The following ATP2B2 variants were observed in gnomAD, a reference collection of about 807,000 sequenced individuals.
ATP2B2 encodes the protein plasma membrane calcium-transporting ATPase 2.
Under a neutral mutation model 120.0 loss-of-function variants are expected in ATP2B2, and 15 were observed. The observed-to-expected ratio is 0.12, with a 90% CI of 0.08 to 0.19. The LOEUF (loss-of-function observed/expected upper bound fraction) is 0.19, where lower values mean the gene tolerates loss of function less well. ATP2B2 is among the 10% of genes least tolerant of loss of function. The probability of loss-of-function intolerance (pLI) is 1.00; values close to 1 mark genes in which losing one functional copy is unlikely to be tolerated. For synonymous variants in ATP2B2, 694 were observed against 700.3 expected, an observed-to-expected ratio of 0.99 and a Z score of 0.14; for missense variants, 1,045 against 1,719.8, an observed-to-expected ratio of 0.61 and a Z score of 6.94.
intron 3 of ATP2B2, among the ~76,000 whole-genome samples, chr3:10,403,601 G>A (rs1193529681): frequency 4.6e-5 from 7 of 152,202 alleles, no homozygotes; most frequent in Non-Finnish European, 8.8e-5. Context: ...ATTTCCTCTG[G>A]GACCTGGGGA....
At chr3:10,580,705 C>T (rs1489336726) in intron 2 of ATP2B2, among the ~76,000 whole-genome samples, 6 of 152,164 alleles carry the variant, frequency 3.9e-5, no homozygotes, top group Non-Finnish European at 7.3e-5. Context: ...GGGAGTGGGG[C>T]GAGAACTCTC....
intron 5 of ATP2B2, 116 bp from the exon 6 acceptor site, chr3:10,388,518 G>T: frequency 1.2e-5 from 18 of 1,447,948 alleles, no homozygotes; most frequent in Non-Finnish European, 1.6e-5. Context: ...AGGTCATGGG[G>T]CATCACCTAT....
intron 12 of ATP2B2, 63 bp from the exon 13 acceptor site, chr3:10,360,186 G>A: frequency 2.6e-6 from 4 of 1,523,346 alleles, no homozygotes; most frequent in Non-Finnish European, 3.5e-6. Flanking sequence ...CTCTGCCCTG[G>A]CTGCCACTGA....
intron 22 of ATP2B2, chr3:10,336,399 A>G: frequency 8.5e-7 from 1 of 1,183,000 alleles, no homozygotes; most frequent in South Asian, 1.5e-5. Context: ...CAGCCACGGC[A>G]ACAACGACAA....
At chr3:10,624,721 C>T (rs1007430039) in intron 1 of ATP2B2, among the ~76,000 whole-genome samples, 4 of 152,070 alleles carry the variant, frequency 2.6e-5, no homozygotes, top group Admixed American at 2.0e-4. Context: ...AGTACGAATG[C>T]ATGAATGAAT....
At chr3:10,462,575 AGGT>A (rs1362314260) in intron 1 of ATP2B2, among the ~76,000 whole-genome samples, 1 of 152,116 alleles carries the variant, frequency 6.6e-6, no homozygotes, top group Non-Finnish European at 1.5e-5. Context: ...CAACCCCATG[AGGT>A]AGGTATTATT....
chr3:10,439,942 CA>C (rs112861741), intron 2 of ATP2B2, among the ~76,000 whole-genome samples: 60 of 141,546 alleles, frequency 4.2e-4, no homozygotes, highest in Admixed American at 5.0e-4. Context: ...CCTGTTTCTA[CA>C]AAAAAAAAAA....
intron 1 of ATP2B2, among the ~76,000 whole-genome samples, chr3:10,674,108 T>C (rs1157483151): frequency 6.6e-6 from 1 of 152,200 alleles, no homozygotes; most frequent in Admixed American, 6.5e-5. Context: ...TCTGAGTTCC[T>C]GAAATACACA....
At chr3:10,693,470 G>A (rs2071699661) in intron 1 of ATP2B2, among the ~76,000 whole-genome samples, 1 of 152,242 alleles carries the variant, frequency 6.6e-6, no homozygotes, top group Admixed American at 6.5e-5. Context: ...TTCCATTCCA[G>A]TTAGGTGGAC....
intron 1 of ATP2B2, among the ~76,000 whole-genome samples, chr3:10,486,990 A>G (rs1217225731): frequency 6.6e-6 from 1 of 152,166 alleles, no homozygotes; most frequent in African/African-American, 2.4e-5. Flanking sequence ...GGCCTCCCAA[A>G]GTGCTGGGAT....
chr3:10,646,920 T>C (rs1252479718), intron 1 of ATP2B2, among the ~76,000 whole-genome samples: 1 of 152,202 alleles, frequency 6.6e-6, no homozygotes, highest in Non-Finnish European at 1.5e-5. Context: ...GGGCGTTACA[T>C]AATCATACAA....
chr3:10,392,874 C>G (rs1267032773), intron 5 of ATP2B2, among the ~76,000 whole-genome samples: 1 of 152,244 alleles, frequency 6.6e-6, no homozygotes, highest in African/African-American at 2.4e-5. Context: ...TGTCTTGACA[C>G]TGTCTAAGGG....
In ATP2B2 at chr3:10,347,577, C is replaced by T. The variant is rs1269887608; in HGVS notation, c.2405-1440G>A. Among the ~76,000 whole-genome samples, 4 of 152,210 alleles carry T rather than the reference C, an allele frequency of 2.6e-5. No homozygotes were observed. The highest frequency in any genetic ancestry group is 5.9e-5 in the Non-Finnish European group (4 of 68,028). On this transcript the variant is annotated intron_variant, in intron 16 of 22. Coordinates refer to ENST00000360273, the MANE Select transcript of ATP2B2 (RefSeq NM_001001331.4). The surrounding 1 kb of genome is among the most constrained non-coding windows in gnomAD (Gnocchi z 5.2). The stretch of plus-strand genomic sequence containing the variant: ...TCTGGGAATCGTTCTGGGCTGCTCC[C>T]ACCCAGCTGTCGGTGACCCCTCAGT...
chr3:10,678,556 G>C (rs1319503374), intron 1 of ATP2B2, among the ~76,000 whole-genome samples: 1 of 152,180 alleles, frequency 6.6e-6, no homozygotes, highest in Non-Finnish European at 1.5e-5. Flanking sequence ...CCTAGAAGGG[G>C]CCTGGGAGCA....
intron 1 of ATP2B2, among the ~76,000 whole-genome samples, chr3:10,636,302 C>T (rs371365146): frequency 1.1e-4 from 17 of 152,154 alleles, no homozygotes; most frequent in African/African-American, 3.9e-4. Context: ...GTGTCATTTC[C>T]CAGGAGATGC....
intron 2 of ATP2B2, among the ~76,000 whole-genome samples, chr3:10,609,191 C>T (rs1319023903): frequency 6.6e-6 from 1 of 152,214 alleles, no homozygotes; most frequent in Admixed American, 6.5e-5. Context: ...CCCTCACTTA[C>T]CCTCCTGGGT....
intron 2 of ATP2B2, among the ~76,000 whole-genome samples, chr3:10,565,783 G>A (rs1287466449): frequency 1.3e-5 from 2 of 152,144 alleles, no homozygotes; most frequent in African/African-American, 2.4e-5. Context: ...TTCAACAAAC[G>A]TAATACAGTG....
Position 10,603,801 on chromosome 3 carries a change from GA to G in ATP2B2, c.-415+16115del, listed in dbSNP as rs200590671. 1.1e-4 allele frequency among the ~76,000 whole-genome samples: 17 copies of G among 149,592 alleles called. No homozygotes were observed. In the South Asian group the frequency reaches 3.4e-3, roughly 30 times the overall value. On this transcript the variant is annotated intron_variant, in intron 2 of 21. Coordinates refer to the ATP2B2 transcript ENST00000646379. ...CCACCTTCTCCTTCAGTCTTTCCAG[GA>G]AAAAAAAACAAATCTAAGCCCAATA...
intron 2 of ATP2B2, among the ~76,000 whole-genome samples, chr3:10,537,096 A>T (rs114334553): frequency 0.018 from 2,696 of 152,232 alleles, 45 homozygotes; most frequent in Admixed American, 0.038. Context: ...CAGTCCATTG[A>T]TCTATGTGTC....
Sources: allele counts gnomAD v4.1 joint callset (sites outside exome capture counted in the v4.1 genomes callset), GRCh38; gene constraint gnomAD v4.1.1; non-coding constraint Gnocchi (gnomAD v3.1); transcripts MANE v1.5; gene names NCBI Gene and HGNC (gene_info 2026-07-23, HGNC 2026-07-21).